The following ZNF705A variants were observed in gnomAD, a reference collection of about 807,000 sequenced individuals.
ZNF705A encodes the protein zinc finger protein 705A.
In ZNF705A, 8 loss-of-function variants were observed where a neutral mutation model predicts 16.6. The ratio of observed to expected loss-of-function variants is 0.48; its 90% confidence interval spans 0.28 to 0.87. The LOEUF is 0.87. Among genes scored for constraint, ZNF705A ranks in the 40% least tolerant of loss-of-function variants. ZNF705A has a pLI of 0.10. For missense variants in ZNF705A, 233 were observed against 359.9 expected, an observed-to-expected ratio of 0.65 and a Z score of 2.85; for synonymous variants, 73 against 117.3, an observed-to-expected ratio of 0.62 and a Z score of 2.44.
chr12:8,164,180 C>A (rs1948379967), intron 1 of ZNF705A, among the ~76,000 whole-genome samples: 1 of 152,148 alleles, frequency 6.6e-6, no homozygotes, highest in Non-Finnish European at 1.5e-5. Context: ...GTAAACGAGA[C>A]CTCCAGAACT....
At chr12:8,167,113 C>T (rs1948405548) in intron 1 of ZNF705A, among the ~76,000 whole-genome samples, 1 of 152,088 alleles carries the variant, frequency 6.6e-6, no homozygotes, top group Non-Finnish European at 1.5e-5. Context: ...TATATCTATT[C>T]ACCTTCCATT....
chr12:8,177,441 A>G (rs1948494852), exon 5 of ZNF705A: 1 of 1,612,158 alleles, frequency 6.2e-7, no homozygotes, highest in South Asian at 1.1e-5. Flanking sequence ...CTTGGAAAAA[A>G]GTGTTATGAA....
chr12:8,158,153 TG>T (rs1303579397), intron 1 of ZNF705A, among the ~76,000 whole-genome samples: 6 of 152,152 alleles, frequency 3.9e-5, no homozygotes, highest in African/African-American at 1.4e-4. Flanking sequence ...AGGATGTGTT[TG>T]CTCTCATTTT....
chr12:8,159,095 G>T (rs1023284042), intron 1 of ZNF705A, among the ~76,000 whole-genome samples: 6 of 152,032 alleles, frequency 3.9e-5, no homozygotes, highest in African/African-American at 1.4e-4. Context: ...GCTTCACTTA[G>T]AATAATAGTC....
chr12:8,165,180 G>A (rs962574432), intron 1 of ZNF705A, among the ~76,000 whole-genome samples: 1 of 151,448 alleles, frequency 6.6e-6, no homozygotes, highest in African/African-American at 2.4e-5. Context: ...GTTTTTATTT[G>A]CATCACCCTG....
At chr12:8,158,687 G>C (rs191593748) in intron 1 of ZNF705A, among the ~76,000 whole-genome samples, 203 of 152,156 alleles carry the variant, frequency 1.3e-3, no homozygotes, top group Non-Finnish European at 2.5e-3. Context: ...AATGGCAATT[G>C]TAAGTGTATC....
upstream of ZNF705A, chr12:8,168,883 T>C (rs1948421254): frequency 6.6e-6 from 1 of 152,232 alleles, no homozygotes; most frequent in Non-Finnish European, 1.5e-5. Flanking sequence ...TTTACCTTAT[T>C]GAGGTAAGTA....
rs1477359215 is a variant in ZNF705A at position 8,172,552 on chromosome 12, C to T, written c.-74C>T. 6.3e-7 allele frequency: 1 copy of T among 1,585,300 alleles called. No homozygotes were observed. The highest frequency in any genetic ancestry group is 8.5e-7 in the Non-Finnish European group (1 of 1,169,892). ...GTCTCACATGTTCTTTCTCCAACCT[C>T]AGCTTTTCTTAGTGCCTAAAGTGTC... On this transcript the variant is annotated 5_prime_UTR_variant, in exon 1 of 5. Transcript: ENST00000359286.
exon 5 of ZNF705A, chr12:8,179,090 C>T (rs2120739146): frequency 6.6e-6 from 1 of 152,378 alleles, no homozygotes; most frequent in South Asian, 2.1e-4. Context: ...GTCCGCAGCC[C>T]TTGCCTCTGT....
chr12:8,164,047 C>T (rs954388258), intron 1 of ZNF705A, among the ~76,000 whole-genome samples: 1 of 152,122 alleles, frequency 6.6e-6, no homozygotes, highest in Non-Finnish European at 1.5e-5. Flanking sequence ...CCTTCACCTC[C>T]CTGAGTCCCC....
At chr12:8,170,615 C>T (rs189042984), upstream of ZNF705A, among the ~76,000 whole-genome samples, 10 of 152,148 alleles carry the variant, frequency 6.6e-5, no homozygotes, top group South Asian at 4.1e-4. Context: ...TTTTGATATT[C>T]GAGGAAGAGC....
exon 5 of ZNF705A, chr12:8,177,231 G>A: frequency 6.2e-7 from 1 of 1,611,576 alleles, no homozygotes; most frequent in South Asian, 1.1e-5. Flanking sequence ...TATACTAATT[G>A]CTTTCGCCTT....
chr12:8,159,191 C>A lies in ZNF705A; in HGVS notation c.-72+2099C>A, dbSNP rs189725336. Among the ~76,000 whole-genome samples the A allele has an allele frequency of 4.1e-4, 63 of 152,138 alleles. No homozygotes were observed. In the East Asian group the frequency reaches 0.01, roughly 25 times the overall value. ...TATTCCATGGTATAAATATATACACCACATTTTCTTTATCCACTTGTTGAT... is the reference window on the plus strand; with the variant it reads ...TATTCCATGGTATAAATATATACACAACATTTTCTTTATCCACTTGTTGAT... On this transcript the variant is annotated intron_variant, in intron 1 of 5. Coordinates refer to the ZNF705A transcript ENST00000396570.
At chr12:8,161,967 G>A (rs1948359649) in intron 1 of ZNF705A, among the ~76,000 whole-genome samples, 1 of 152,180 alleles carries the variant, frequency 6.6e-6, no homozygotes, top group Non-Finnish European at 1.5e-5. Flanking sequence ...ACTATCCTAA[G>A]TCAGAAGGCA....
At position 8,166,373 on chromosome 12, in the gene ZNF705A, T is replaced by G. The variant is rs1173220906; in HGVS notation, c.-71-6182T>G. On this transcript the variant is annotated intron_variant, in intron 1 of 5. Coordinates refer to the ZNF705A transcript ENST00000396570. Reference sequence around the variant, plus strand: ...AATCTCACCTCAAATTGTACTCCCATAATTCCCACATGTTGTGGGGGGACC... The same window carrying G: ...AATCTCACCTCAAATTGTACTCCCAGAATTCCCACATGTTGTGGGGGGACC... Among the ~76,000 whole-genome samples the G allele has an allele frequency of 2.0e-5, 3 of 152,156 alleles. No homozygotes were observed. The East Asian group carries it at 5.8e-4, about 29-fold the overall frequency.
At position 8,165,242 on chromosome 12, in the gene ZNF705A, C is replaced by T. The variant is rs911866966; in HGVS notation, c.-71-7313C>T. On this transcript the variant is annotated intron_variant, in intron 1 of 5. Transcript: ENST00000396570. ...CATATAGTTGTTGGCCATTTGTATC[C>T]GTTCTTCTGGGAAATGTCTACTCAG... Among the ~76,000 whole-genome samples the T allele has an allele frequency of 2.1e-3, 306 of 149,228 alleles. 1 individual carries two copies. The highest frequency in any genetic ancestry group is 7.0e-3 in the African/African-American group (285 of 40,606).
exon 5 of ZNF705A, chr12:8,177,851 T>A: frequency 1.7e-6 from 1 of 574,862 alleles, no homozygotes; most frequent in Admixed American, 3.2e-5. Flanking sequence ...ACATGGAAGA[T>A]ACTTCAGTTA....
intron 2 of ZNF705A, 116 bp downstream of exon 3, chr12:8,174,568 A>T (rs778862277): frequency 1.9e-6 from 3 of 1,572,826 alleles, no homozygotes; most frequent in East Asian, 2.3e-5. Context: ...TCTCTCACAG[A>T]TCTCATCTGA....
chr12:8,173,464 G>A (rs1289103010), intron 1 of ZNF705A, among the ~76,000 whole-genome samples: 1 of 152,192 alleles, frequency 6.6e-6, no homozygotes, highest in Non-Finnish European at 1.5e-5. Flanking sequence ...CTTTGAACAA[G>A]TGAAGTGAGA....
Sources: allele counts gnomAD v4.1 joint callset (sites outside exome capture counted in the v4.1 genomes callset), GRCh38; gene constraint gnomAD v4.1.1; transcripts MANE v1.5; gene names NCBI Gene and HGNC (gene_info 2026-07-23, HGNC 2026-07-21).